The following OR14I1 variants were observed in gnomAD, a reference collection of about 807,000 sequenced individuals.
OR14I1 encodes the protein olfactory receptor 14I1.
For missense variants in OR14I1, 279 were observed against 181.8 expected (o/e 1.53, Z -3.07); for synonymous variants, 118 against 71.1 (o/e 1.66, Z -3.32).
chr1:248,697,757 T>C, the OR14I1 span, among the ~76,000 whole-genome samples: 1 of 152,174 alleles, frequency 6.6e-6, no homozygotes, highest in Non-Finnish European at 1.5e-5. Flanking sequence ...CACTCCAGCC[T>C]GGGCAACAAG....
downstream of OR14I1, chr1:248,681,280 C>T: frequency 3.6e-6 from 2 of 559,822 alleles, no homozygotes; most frequent in African/African-American, 1.9e-5. Context: ...ATCATTTCAT[C>T]AACAATTTTT....
At chr1:248,682,397 T>C, upstream of OR14I1, 1 of 611,800 alleles carries the variant, frequency 1.6e-6, no homozygotes, top group Non-Finnish European at 2.9e-6. Context: ...AGGAGTAATA[T>C]CCTCCTAAAT....
At chr1:248,694,788 A>G in the OR14I1 span, among the ~76,000 whole-genome samples, 5 of 152,348 alleles carry the variant, frequency 3.3e-5, no homozygotes, top group Non-Finnish European at 5.9e-5. Context: ...ATTGTTCTCA[A>G]AAAGAAGTAT....
At chr1:248,693,667 A>G in the OR14I1 span, among the ~76,000 whole-genome samples, 10 of 152,020 alleles carry the variant, frequency 6.6e-5, no homozygotes, top group South Asian at 2.1e-4. Flanking sequence ...GGAGCTTCCA[A>G]TCTTCAAGTT....
At chr1:248,691,020 A>G in the OR14I1 span, among the ~76,000 whole-genome samples, 1 of 152,206 alleles carries the variant, frequency 6.6e-6, no homozygotes, top group Non-Finnish European at 1.5e-5. Context: ...GATGCAGAAA[A>G]GGCCTTTTTT....
chr1:248,684,757 C>CATATATAT (rs376621560), upstream of OR14I1, among the ~76,000 whole-genome samples: 22 of 145,060 alleles, frequency 1.5e-4, no homozygotes, highest in African/African-American at 5.8e-4. Flanking sequence ...CACACACATA[C>CATATATAT]ATATATATAT....
At chr1:248,684,753 C>CATATATAT (rs5782531), upstream of OR14I1, among the ~76,000 whole-genome samples, 7 of 148,238 alleles carry the variant, frequency 4.7e-5, no homozygotes, top group African/African-American at 1.6e-4. Context: ...AATACACACA[C>CATATATAT]ATACATATAT....
chr1:248,683,817 T>C (rs1661600959), upstream of OR14I1, among the ~76,000 whole-genome samples: 1 of 152,238 alleles, frequency 6.6e-6, no homozygotes, highest in African/African-American at 2.4e-5. Context: ...GTGGATCACC[T>C]GAGGTGAGGA....
At chr1:248,691,377 GA>G in the OR14I1 span, among the ~76,000 whole-genome samples, 1 of 152,186 alleles carries the variant, frequency 6.6e-6, no homozygotes, top group South Asian at 2.1e-4. Flanking sequence ...TGAGGTGCCA[GA>G]ATTGCACTAG....
At chr1:248,696,023 A>G in the OR14I1 span, among the ~76,000 whole-genome samples, 1 of 152,144 alleles carries the variant, frequency 6.6e-6, no homozygotes, top group South Asian at 2.1e-4. Flanking sequence ...GTGTGTGGAC[A>G]CGCCAATGCT....
At chr1:248,682,733 T>A (rs1281230893), upstream of OR14I1, among the ~76,000 whole-genome samples, 1 of 152,158 alleles carries the variant, frequency 6.6e-6, no homozygotes, top group Non-Finnish European at 1.5e-5. Flanking sequence ...AGTACAAAAG[T>A]TTGTAGTTTT....
the OR14I1 span, among the ~76,000 whole-genome samples, chr1:248,693,428 T>C: frequency 6.6e-6 from 1 of 152,214 alleles, no homozygotes; most frequent in Non-Finnish European, 1.5e-5. Context: ...TGCCCCATAC[T>C]GGTGGACCAG....
the OR14I1 span, among the ~76,000 whole-genome samples, chr1:248,699,805 C>G: frequency 2.0e-5 from 3 of 152,200 alleles, no homozygotes; most frequent in Non-Finnish European, 4.4e-5. Flanking sequence ...ATCGCCCAGG[C>G]TGGAGTGCAG....
the OR14I1 span, among the ~76,000 whole-genome samples, chr1:248,693,916 AC>A: frequency 1.0e-2 from 1,488 of 149,104 alleles, 32 homozygotes; most frequent in African/African-American, 0.036. Flanking sequence ...AAAAAAAAAA[AC>A]CATTTACTGG....
chr1:248,690,353 G>A, the OR14I1 span, among the ~76,000 whole-genome samples: 2 of 151,956 alleles, frequency 1.3e-5, no homozygotes, highest in African/African-American at 2.4e-5. Context: ...AAGAAGCAAA[G>A]AGAGAAGAAT....
At chr1:248,695,556 C>A in the OR14I1 span, among the ~76,000 whole-genome samples, 7 of 152,112 alleles carry the variant, frequency 4.6e-5, no homozygotes, top group Non-Finnish European at 2.9e-5. Context: ...TTTAAAATTA[C>A]ATTTGGATTG....
the OR14I1 span, among the ~76,000 whole-genome samples, chr1:248,694,636 GGATAT>G: frequency 6.6e-6 from 1 of 152,050 alleles, no homozygotes; most frequent in African/African-American, 2.4e-5. Context: ...TCTGTTTCAT[GGATAT>G]GACAGAATCT....
chr1:248,700,113 A>G, the OR14I1 span, among the ~76,000 whole-genome samples: 1 of 152,176 alleles, frequency 6.6e-6, no homozygotes, highest in African/African-American at 2.4e-5. Flanking sequence ...TAGAATGCGC[A>G]TCCTAGGCCC....
chr1:248,689,572 G>A, the OR14I1 span, among the ~76,000 whole-genome samples: 79 of 151,462 alleles, frequency 5.2e-4, no homozygotes, highest in African/African-American at 1.9e-3. Flanking sequence ...GGCCCTAGTG[G>A]GTATCTACAC....
Sources: allele counts gnomAD v4.1 joint callset (sites outside exome capture counted in the v4.1 genomes callset), GRCh38; gene constraint gnomAD v4.1.1; transcripts MANE v1.5; gene names NCBI Gene and HGNC (gene_info 2026-07-23, HGNC 2026-07-21).